Variants in ABHD17C observed in about 807,000 individuals in gnomAD.
The protein encoded by ABHD17C is alpha/beta hydrolase domain-containing protein 17C.
In ABHD17C, 11 loss-of-function variants were observed where a neutral mutation model predicts 27.9. The observed-to-expected ratio is 0.39, with a 90% CI of 0.25 to 0.65. ABHD17C has a LOEUF of 0.65. Ranked by LOEUF, ABHD17C falls within the 30% of genes least tolerant of loss-of-function variation. ABHD17C has a pLI of 0.45. For synonymous variants in ABHD17C, 233 were observed against 209.1 expected, an observed-to-expected ratio of 1.11 and a Z score of -0.98; for missense variants, 280 against 470.2, an observed-to-expected ratio of 0.60 and a Z score of 3.74.
chr15:80,709,499 A>G (rs1284940017), intron 1 of ABHD17C, among the ~76,000 whole-genome samples: 1 of 151,776 alleles, frequency 6.6e-6, no homozygotes, highest in Admixed American at 6.6e-5. Flanking sequence ...AAAAAAAAAA[A>G]AACAAAAAAA....
At chr15:80,753,461 G>A (rs1596076013) in intron 2 of ABHD17C, among the ~76,000 whole-genome samples, 1 of 152,318 alleles carries the variant, frequency 6.6e-6, no homozygotes, top group South Asian at 2.1e-4. Context: ...ATGTATCACG[G>A]TAATGTACAA....
intron 1 of ABHD17C, among the ~76,000 whole-genome samples, chr15:80,718,116 G>A (rs1432792952): frequency 6.6e-6 from 1 of 152,156 alleles, no homozygotes; most frequent in Non-Finnish European, 1.5e-5. Flanking sequence ...AGGAGCATAG[G>A]ATTGTTTGAG....
intron 1 of ABHD17C, among the ~76,000 whole-genome samples, chr15:80,734,126 A>G (rs1895094261): frequency 6.6e-6 from 1 of 152,110 alleles, no homozygotes. Context: ...CTGGGGCTAC[A>G]GATGTGCACC....
intron 1 of ABHD17C, among the ~76,000 whole-genome samples, chr15:80,698,440 C>A (rs1402889195): frequency 1.3e-5 from 2 of 152,192 alleles, no homozygotes; most frequent in African/African-American, 4.8e-5. Context: ...TGTATGGACA[C>A]TGCACACGTT....
intron 1 of ABHD17C, among the ~76,000 whole-genome samples, chr15:80,701,310 A>G (rs1894568232): frequency 6.6e-6 from 1 of 152,126 alleles, no homozygotes; most frequent in African/African-American, 2.4e-5. Flanking sequence ...CAGTGTTCTC[A>G]GAGGGAATAC....
chr15:80,715,158 C>G (rs190965644), intron 1 of ABHD17C, among the ~76,000 whole-genome samples: 1 of 152,310 alleles, frequency 6.6e-6, no homozygotes, highest in Non-Finnish European at 1.5e-5. Flanking sequence ...TATTGTCTAA[C>G]TGTTTTCTGA....
intron 1 of ABHD17C, among the ~76,000 whole-genome samples, chr15:80,713,532 A>G (rs575764728): frequency 4.6e-5 from 7 of 151,998 alleles, no homozygotes; most frequent in South Asian, 2.1e-4. Context: ...GGTACAGGCC[A>G]GGTGCAGTGG....
chr15:80,752,211 T>C (rs951620562), intron 2 of ABHD17C, among the ~76,000 whole-genome samples: 2 of 152,178 alleles, frequency 1.3e-5, no homozygotes, highest in African/African-American at 2.4e-5. Flanking sequence ...TTGAACTCTC[T>C]TAAAGGAAGT....
rs1372627229 is a variant in ABHD17C at position 80,695,716 on chromosome 15, A to G, written c.287A>G (p.Asp96Gly). The G allele has an allele frequency of 2.0e-6, 3 of 1,532,554 alleles. No homozygotes were observed. Among genetic ancestry groups the G allele is most frequent in the African/African-American group, 1.4e-5 (1 of 72,780 alleles). 94.9% of individuals were successfully genotyped at this position (1,532,554 alleles called of 1,614,324 possible). Residue 96 changes from aspartate to glycine, a missense_variant, in exon 1 of 3, where the codon GAC (aspartate) becomes GGC (glycine). By Grantham distance (94) the Asp-to-Gly change is moderately conservative (BLOSUM62 -1). Transcript: ENST00000258884. The surrounding 1 kb of genome is among the most constrained non-coding windows in gnomAD (Gnocchi z 4.3). ...ACSLHLSERA[D>G]WQYSQRELDA... Reference sequence around the variant, plus strand: ...AGCCTGCACCTCAGCGAGCGCGCCGACTGGCAGTACTCGCAGCGCGAGCTG... The same window carrying G: ...AGCCTGCACCTCAGCGAGCGCGCCGGCTGGCAGTACTCGCAGCGCGAGCTG...
chr15:80,701,640 C>T (rs1013933845), intron 1 of ABHD17C, among the ~76,000 whole-genome samples: 5 of 149,804 alleles, frequency 3.3e-5, no homozygotes, highest in South Asian at 2.1e-4. Flanking sequence ...GATTATGCCA[C>T]TGCACTCCAG....
intron 1 of ABHD17C, among the ~76,000 whole-genome samples, chr15:80,715,896 C>T (rs143234285): frequency 6.6e-6 from 1 of 152,058 alleles, no homozygotes; most frequent in East Asian, 1.9e-4. Flanking sequence ...GGTCTAGCAA[C>T]ATAGTCTTTC....
In ABHD17C at chr15:80,754,393, C is replaced by T; in HGVS notation, c.*23C>T. 2 of 1,586,660 alleles carry T rather than the reference C, an allele frequency of 1.3e-6. No homozygotes were observed. Among genetic ancestry groups the T allele is most frequent in the Non-Finnish European group, 1.7e-6 (2 of 1,160,976 alleles). ...TGAAGACAACAACTTGATCTTACCT[C>T]ATTTACTGTGAACAGAAGAGTCCTC... On this transcript the variant is annotated 3_prime_UTR_variant, in exon 3 of 3. Transcript: ENST00000258884.
At chr15:80,733,653 A>C (rs1351970536) in intron 1 of ABHD17C, among the ~76,000 whole-genome samples, 1 of 152,196 alleles carries the variant, frequency 6.6e-6, no homozygotes. Context: ...TTAGTGCAGG[A>C]GCTAAATGTA....
intron 1 of ABHD17C, among the ~76,000 whole-genome samples, chr15:80,712,396 C>T (rs1056698985): frequency 6.6e-6 from 1 of 152,228 alleles, no homozygotes; most frequent in Non-Finnish European, 1.5e-5. Context: ...TGAGGTTCCT[C>T]TCTAGGCATG....
chr15:80,725,381 G>T (rs1302629890), intron 1 of ABHD17C, among the ~76,000 whole-genome samples: 1 of 152,182 alleles, frequency 6.6e-6, no homozygotes, highest in East Asian at 1.9e-4. Context: ...GTGATTATCT[G>T]CAGGTTCTTT....
intron 1 of ABHD17C, among the ~76,000 whole-genome samples, chr15:80,705,367 G>GTGTGTGTGTGTGTGTGTGTGTGTGTGT (rs57722326): frequency 5.8e-4 from 87 of 150,168 alleles, no homozygotes; most frequent in Non-Finnish European, 8.6e-4. Context: ...GTGTGTGTGT[G>GTGTGTGTGTGTGTGTGTGTGTGTGTGT]GTTAGGAGCA....
chr15:80,718,363 T>C (rs1374069829), intron 1 of ABHD17C, among the ~76,000 whole-genome samples: 1 of 152,130 alleles, frequency 6.6e-6, no homozygotes, highest in Non-Finnish European at 1.5e-5. Context: ...AATAGAGTCT[T>C]ACTCTGTTGC....
intron 1 of ABHD17C, among the ~76,000 whole-genome samples, chr15:80,717,398 T>A (rs1366418541): frequency 6.0e-5 from 7 of 116,566 alleles, no homozygotes; most frequent in South Asian, 3.1e-4. Context: ...TTACAACAAA[T>A]TTTTTTTTTT....
rs550174523 is a variant in ABHD17C, at chr15:80,733,393, A to G, written c.591-16120A>G. Among the ~76,000 whole-genome samples the G allele has an allele frequency of 2.4e-4, 37 of 152,272 alleles. No homozygotes were observed. The South Asian group carries it at 6.8e-3, about 28-fold the overall frequency. On this transcript the variant is annotated intron_variant, in intron 1 of 2. Transcript: ENST00000258884. ...TTCTCAAGGAGGCCCCAGGCTCAGCAGAAGAGGGTGCTGACATCCTGGGGA... is the reference window on the plus strand; with the variant it reads ...TTCTCAAGGAGGCCCCAGGCTCAGCGGAAGAGGGTGCTGACATCCTGGGGA...
Sources: allele counts gnomAD v4.1 joint callset (sites outside exome capture counted in the v4.1 genomes callset), GRCh38; gene constraint gnomAD v4.1.1; non-coding constraint Gnocchi (gnomAD v3.1); transcripts MANE v1.5; gene names NCBI Gene and HGNC (gene_info 2026-07-23, HGNC 2026-07-21).